KLHL5: variants seen among roughly 807,000 people sequenced by gnomAD.
The protein encoded by KLHL5 is kelch like family member 5, also known as kelch-like protein 5.
KLHL5 carries 48 observed loss-of-function variants against 77.7 expected under a neutral mutation model. The observed-to-expected ratio is 0.62, with a 90% CI of 0.49 to 0.79. The LOEUF is 0.79. Among genes scored for constraint, KLHL5 ranks in the 30% least tolerant of loss-of-function variants. The pLI is 0.00. For synonymous variants in KLHL5, 260 were observed against 297.0 expected (o/e 0.88, Z 1.28); for missense variants, 723 against 859.7 (o/e 0.84, Z 1.99).
rs1723532186 is a variant in KLHL5 at position 39,126,173 on chromosome 4, T to C, written c.*5107T>C. 6.6e-6 allele frequency among the ~76,000 whole-genome samples: 1 copy of C among 152,232 alleles called. No individual in the cohort carries two copies. The highest frequency in any genetic ancestry group is 2.1e-4 in the South Asian group (1 of 4,836). On this transcript the variant is annotated 3_prime_UTR_variant, in exon 11 of 11. Transcript: ENST00000504108. ...TTCATGAACTCTGTAATATTTGAAA[T>C]TATTGATAACTCTTACACAAAAACA...
intron 4 of KLHL5, among the ~76,000 whole-genome samples, chr4:39,085,565 C>A (rs1326768765): frequency 6.6e-6 from 1 of 152,132 alleles, no homozygotes; most frequent in African/African-American, 2.4e-5. Context: ...GTCAACTATC[C>A]ATTCATTAAG....
intron 1 of KLHL5, among the ~76,000 whole-genome samples, chr4:39,074,493 A>AG: frequency 6.6e-6 from 1 of 152,348 alleles, no homozygotes; most frequent in Admixed American, 6.5e-5. Context: ...AGCCACTTTA[A>AG]GGTGAACTGT....
At chr4:39,104,775 T>A (rs934539964) in intron 7 of KLHL5, among the ~76,000 whole-genome samples, 46 of 152,192 alleles carry the variant, frequency 3.0e-4, no homozygotes, top group Non-Finnish European at 4.6e-4. Flanking sequence ...ATAAACTTTT[T>A]TTTTTTTTTG....
chr4:39,115,753 G>C, intron 10 of KLHL5: 3 of 1,100,832 alleles, frequency 2.7e-6, no homozygotes, highest in Non-Finnish European at 3.3e-6. Flanking sequence ...GCAGATTAAA[G>C]TCCTGATAAC....
chr4:39,103,974 C>CAAAAAAAAAAA (rs35801364), intron 7 of KLHL5, among the ~76,000 whole-genome samples: 1 of 93,236 alleles, frequency 1.1e-5, no homozygotes, highest in African/African-American at 4.0e-5. Flanking sequence ...ACATCTATCT[C>CAAAAAAAAAAA]AAAAAAAAAA....
rs776566554 is a variant in KLHL5 at position 39,096,743 on chromosome 4, C to A, written c.1165C>A (p.Gln389Lys). The A allele has an allele frequency of 6.2e-7, 1 of 1,613,156 alleles. No homozygotes were observed. Reference sequence around the variant, plus strand: ...ACTTTTTCGGGATGATATAGAATGTCAGAAACTCATTATGGAAGCAATGAA... The same window carrying A: ...ACTTTTTCGGGATGATATAGAATGTAAGAAACTCATTATGGAAGCAATGAA... ...NVLFRDDIECQKLIMEAMKYH... is the reference protein window; with the variant it reads ...NVLFRDDIECKKLIMEAMKYH... Residue 389 changes from glutamine (Q) to lysine (K), a missense_variant, in exon 6 of 11, where the codon CAG becomes AAG. Gln to Lys is a moderately conservative substitution (Grantham distance 53). Transcript: ENST00000504108.
Position 39,081,068 on chromosome 4 carries a change from G to T in KLHL5, c.567-35G>T. The T allele has an allele frequency of 6.4e-7, 1 of 1,571,722 alleles. No individual in the cohort carries two copies. Among genetic ancestry groups the T allele is most frequent in the Non-Finnish European group, 8.6e-7 (1 of 1,162,598 alleles). On this transcript the variant is annotated intron_variant, in intron 2 of 10. Coordinates refer to ENST00000504108, the MANE Select transcript of KLHL5 (RefSeq NM_015990.5). The surrounding 1 kb of genome is among the most constrained non-coding windows in gnomAD (Gnocchi z 4.3). ...TATTAATGAACATCAACTCGAATGT[G>T]GTCATTGATTTTTTTTTTCCTAATG...
chr4:39,076,227 ATTGAC>A, intron 2 of KLHL5, 80 bp downstream of exon 2: 3 of 1,224,260 alleles, frequency 2.5e-6, no homozygotes, highest in Non-Finnish European at 3.4e-6. Context: ...ACCTACTTCA[ATTGAC>A]TATTATGTTT....
Position 39,081,247 on chromosome 4 carries a change from G to A in KLHL5, c.703+8G>A. 1 of 1,581,492 alleles carries A rather than the reference G, an allele frequency of 6.3e-7. No individual in the cohort carries two copies. Among genetic ancestry groups the A allele is most frequent in the Non-Finnish European group, 8.6e-7 (1 of 1,167,280 alleles). The stretch of plus-strand genomic sequence containing the variant: ...TCCAGTATGCTTATACAGGTAACGA[G>A]TCTGAAAATGTAAATTAAAACCTCT... On this transcript the variant is annotated splice_region_variant and intron_variant, in intron 3 of 10. Transcript: ENST00000504108. The surrounding 1 kb of genome is among the most constrained non-coding windows in gnomAD (Gnocchi z 4.3).
intron 1 of KLHL5, among the ~76,000 whole-genome samples, chr4:39,074,112 A>G (rs2566137): frequency 0.24 from 36,712 of 152,098 alleles, 4,550 homozygotes; most frequent in South Asian, 0.36. Context: ...TTAAATGTGA[A>G]GTTGAGTATT....
At chr4:39,101,126 T>TATACATATATATATCTATATATA (rs1553892884) in intron 6 of KLHL5, among the ~76,000 whole-genome samples, 25 of 134,850 alleles carry the variant, frequency 1.9e-4, no homozygotes, top group African/African-American at 7.0e-4. Context: ...TATTTGGATT[T>TATACATATATATATCTATATATA]TATATATATA....
At chr4:39,119,610 A>T (rs944909868) in intron 10 of KLHL5, among the ~76,000 whole-genome samples, 9 of 152,182 alleles carry the variant, frequency 5.9e-5, no homozygotes, top group Admixed American at 3.3e-4. Context: ...AAACAAAAAA[A>T]TTTTGAAGTT....
chr4:39,065,483 A>T (rs1230609404), intron 1 of KLHL5, among the ~76,000 whole-genome samples: 1 of 151,290 alleles, frequency 6.6e-6, no homozygotes, highest in African/African-American at 2.4e-5. Context: ...CCTCCCAAGT[A>T]TCTGGGACTA....
At chr4:39,093,202 C>T (rs1720748428) in intron 5 of KLHL5, 2 of 450,488 alleles carry the variant, frequency 4.4e-6, no homozygotes, top group South Asian at 3.1e-5. Flanking sequence ...ATACGAGGAG[C>T]TACAGCAGGG....
intron 5 of KLHL5, chr4:39,093,233 A>T (rs1720750888): frequency 6.9e-6 from 3 of 437,042 alleles, no homozygotes; most frequent in South Asian, 4.9e-5. Context: ...AAAGTGTGCT[A>T]AGGGAAAGAA....
chr4:39,094,626 T>C (rs1170629925), intron 5 of KLHL5, among the ~76,000 whole-genome samples: 1 of 151,774 alleles, frequency 6.6e-6, no homozygotes, highest in Non-Finnish European at 1.5e-5. Context: ...CACTGTAATA[T>C]ACTATTTAGA....
chr4:39,055,929 C>T (rs778912311), intron 1 of KLHL5, among the ~76,000 whole-genome samples: 9 of 152,070 alleles, frequency 5.9e-5, no homozygotes, highest in South Asian at 2.1e-4. Context: ...GATCTTCCCT[C>T]GTATACTTAT....
At chr4:39,058,724 TGCTCTTATAATTGTTGGATTTTATTATA>T (rs1717171918), upstream of KLHL5, among the ~76,000 whole-genome samples, 2 of 152,310 alleles carry the variant, frequency 1.3e-5, no homozygotes, top group African/African-American at 4.8e-5. Flanking sequence ...CTTTTATTAT[TGCTCTTATAATTGTTGGATTTTATTATA>T]GCTCTTATAA....
Position 39,081,669 on chromosome 4 carries a change from CAAA to C in KLHL5, c.704-281_704-279del, listed in dbSNP as rs879362229. On this transcript the variant is annotated intron_variant, in intron 3 of 10. Coordinates refer to ENST00000504108, the MANE Select transcript of KLHL5 (RefSeq NM_015990.5). The surrounding 1 kb of genome is among the most constrained non-coding windows in gnomAD (Gnocchi z 4.3). ...TGGGCAATAGAACAAGACCGTGTCT[CAAA>C]AAAAAAAAAAAATTGAGAGTTATAC... 8.8e-6 allele frequency among the ~76,000 whole-genome samples: 1 copy of C among 114,260 alleles called. No individual in the cohort carries two copies. The highest frequency in any genetic ancestry group is 8.9e-5 in the Admixed American group (1 of 11,244). The allele number at this position is 114,260 out of a possible 152,430, so 75.0% of individuals were successfully genotyped here. A position where few individuals can be genotyped will look rare whatever the true frequency, so the allele number is the denominator to read the frequency against.
Sources: allele counts gnomAD v4.1 joint callset (sites outside exome capture counted in the v4.1 genomes callset), GRCh38; gene constraint gnomAD v4.1.1; non-coding constraint Gnocchi (gnomAD v3.1); transcripts MANE v1.5; gene names NCBI Gene and HGNC (gene_info 2026-07-23, HGNC 2026-07-21).